Variants in PIR observed in about 807,000 individuals in gnomAD.
The protein encoded by PIR is pirin.
Under a neutral mutation model 24.2 loss-of-function variants are expected in PIR, and 22 were observed. The ratio of observed to expected loss-of-function variants is 0.91; its 90% confidence interval spans 0.65 to 1.30. The LOEUF (loss-of-function observed/expected upper bound fraction) is 1.30. PIR is among the 50% of genes most tolerant of loss of function. The probability of loss-of-function intolerance (pLI) is 0.00; values close to 1 mark genes in which losing one functional copy is unlikely to be tolerated. For synonymous variants in PIR, 80 were observed against 79.6 expected (o/e 1.00, Z -0.03); for missense variants, 220 against 220.3 (o/e 1.00, Z 0.01).
chrX:15,482,129 G>A (rs189817404), intron 2 of PIR, among the ~76,000 whole-genome samples: 9 of 112,228 alleles, frequency 8.0e-5, no homozygotes, highest in East Asian at 2.8e-4. Flanking sequence ...AAATGGATGC[G>A]GGTGTAAAAT....
At chrX:15,394,825 G>A (rs1385688728) in intron 8 of PIR, among the ~76,000 whole-genome samples, 1 of 111,979 alleles carries the variant, frequency 8.9e-6, no homozygotes, top group African/African-American at 3.2e-5. Context: ...GATGGAACAG[G>A]GAAACCTGGG....
At chrX:15,488,433 T>C (rs750328140) in intron 2 of PIR, among the ~76,000 whole-genome samples, 1 of 110,661 alleles carries the variant, frequency 9.0e-6, no homozygotes, top group Non-Finnish European at 1.9e-5. Context: ...GCAAAAATAA[T>C]ATGGCAACAA....
At chrX:15,419,110 C>T (rs1226486952) in intron 6 of PIR, among the ~76,000 whole-genome samples, 2 of 109,685 alleles carry the variant, frequency 1.8e-5, no homozygotes, top group African/African-American at 3.3e-5. Flanking sequence ...TGGAATTTGA[C>T]CTGGAAAGGT....
At chrX:15,396,866 G>A (rs989382218) in intron 8 of PIR, among the ~76,000 whole-genome samples, 5 of 110,545 alleles carry the variant, frequency 4.5e-5, no homozygotes, top group Non-Finnish European at 9.5e-5. Flanking sequence ...TCAGCCTCCC[G>A]AGTAGCTGGG....
At chrX:15,406,532 C>T (rs985842394) in intron 7 of PIR, among the ~76,000 whole-genome samples, 4 of 111,625 alleles carry the variant, frequency 3.6e-5, no homozygotes. Context: ...TTTCATGCTG[C>T]CCTGATTGGT....
intron 6 of PIR, among the ~76,000 whole-genome samples, chrX:15,416,237 A>C (rs1048506972): frequency 8.9e-6 from 1 of 111,991 alleles, no homozygotes; most frequent in Non-Finnish European, 1.9e-5. Context: ...TGAATAGTCT[A>C]ATGTACTGCT....
intron 5 of PIR, among the ~76,000 whole-genome samples, chrX:15,453,563 C>T (rs1920989806): frequency 8.9e-6 from 1 of 111,931 alleles, no homozygotes; most frequent in Non-Finnish European, 1.9e-5. Flanking sequence ...TTCCAAGAAG[C>T]GTTATTATTA....
chrX:15,403,079 A>G (rs774956518), intron 7 of PIR, among the ~76,000 whole-genome samples: 2 of 111,217 alleles, frequency 1.8e-5, no homozygotes, highest in East Asian at 5.7e-4. Flanking sequence ...AGTATTCACC[A>G]TAGAATGAAG....
At chrX:15,455,726 G>T in intron 5 of PIR, 122 bp downstream of exon 5, 2 of 557,209 alleles carry the variant, frequency 3.6e-6, no homozygotes, top group African/African-American at 2.3e-5. Flanking sequence ...TGACAACTAT[G>T]AATCAAGTCC....
At chrX:15,448,048 G>T (rs1443761354) in intron 5 of PIR, among the ~76,000 whole-genome samples, 2 of 111,904 alleles carry the variant, frequency 1.8e-5, no homozygotes, top group Admixed American at 9.5e-5. Flanking sequence ...CGACTGAAAT[G>T]TACTTCTTAG....
At chrX:15,472,740 G>A (rs1352985832) in intron 3 of PIR, among the ~76,000 whole-genome samples, 1 of 112,176 alleles carries the variant, frequency 8.9e-6, no homozygotes, top group Non-Finnish European at 1.9e-5. Flanking sequence ...AATCAGCAGT[G>A]ATGGTTGTGT....
intron 6 of PIR, among the ~76,000 whole-genome samples, chrX:15,410,816 A>G (rs1924719578): frequency 8.9e-6 from 1 of 112,331 alleles, no homozygotes; most frequent in African/African-American, 3.2e-5. Flanking sequence ...ATAGAAATGA[A>G]GGCAATTTAC....
At chrX:15,484,990 T>TA (rs1166481753) in intron 2 of PIR, among the ~76,000 whole-genome samples, 2 of 112,085 alleles carry the variant, frequency 1.8e-5, no homozygotes, top group East Asian at 5.6e-4. Flanking sequence ...ACCCATATTA[T>TA]AAAAAATGAG....
chrX:15,472,812 G>A (rs1569210038), intron 3 of PIR, among the ~76,000 whole-genome samples: 1 of 112,079 alleles, frequency 8.9e-6, no homozygotes, highest in Non-Finnish European at 1.9e-5. Flanking sequence ...ATTTGTACCT[G>A]TTATGATGTG....
chrX:15,447,770 GA>G (rs1439430546), intron 5 of PIR, among the ~76,000 whole-genome samples: 1 of 111,875 alleles, frequency 8.9e-6, no homozygotes, highest in African/African-American at 3.3e-5. Flanking sequence ...GTGTTCCTGG[GA>G]AAAGACATAC....
chrX:15,415,570 T>C (rs1364989505), intron 6 of PIR, among the ~76,000 whole-genome samples: 1 of 111,988 alleles, frequency 8.9e-6, no homozygotes, highest in East Asian at 2.8e-4. Flanking sequence ...TACAACATGG[T>C]GACTACAGTT....
chrX:15,474,302 G>A (rs1922085320), intron 3 of PIR, among the ~76,000 whole-genome samples: 1 of 112,222 alleles, frequency 8.9e-6, no homozygotes, highest in Non-Finnish European at 1.9e-5. Context: ...TTGAAGTATG[G>A]CTGCTGGGAT....
At chrX:15,393,067 C>T (rs5934238) in intron 8 of PIR, among the ~76,000 whole-genome samples, 17,898 of 111,053 alleles carry the variant, frequency 0.16, 1,215 homozygotes, top group East Asian at 0.39. Context: ...GTTCTAAATG[C>T]CTTTATGGGA....
rs369095999 is a variant in PIR at position 15,483,122 on chromosome X, G to T, written c.97-3301C>A. On this transcript the variant is annotated intron_variant, in intron 2 of 9. Transcript: ENST00000380420. ...TTTTATCTTTATTTTAACTTTCTATGAAAAAAACATGCACACATATATACA... is the reference window on the plus strand; with the variant it reads ...TTTTATCTTTATTTTAACTTTCTATTAAAAAAACATGCACACATATATACA... Among the ~76,000 whole-genome samples, 6 of 95,016 alleles carry T rather than the reference G, an allele frequency of 6.3e-5. No homozygotes were observed. In the East Asian group the frequency reaches 1.6e-3, roughly 25 times the overall value. 82.5% of individuals were successfully genotyped at this position (95,016 alleles called of 115,157 possible). A position where few individuals can be genotyped will look rare whatever the true frequency, so the allele number is the denominator to read the frequency against.
Sources: gnomAD v4.1 joint callset for allele counts (sites outside exome capture counted in the v4.1 genomes callset) on GRCh38, gnomAD v4.1.1 for gene constraint, MANE v1.5 for transcripts, NCBI Gene and HGNC (gene_info 2026-07-23, HGNC 2026-07-21) for gene names.